The following SAXO2 variants were observed in gnomAD, a reference collection of about 807,000 sequenced individuals.
SAXO2 encodes the protein stabilizer of axonemal microtubules 2, also known as family with sequence similarity 154, member B.
Under a neutral mutation model 18.7 loss-of-function variants are expected in SAXO2, and 17 were observed. That is an observed-to-expected ratio of 0.91 (90% CI 0.62 to 1.36). The LOEUF (loss-of-function observed/expected upper bound fraction) is 1.36, where lower values mean the gene tolerates loss of function less well. Ranked by LOEUF, SAXO2 falls within the 40% of genes most tolerant of loss-of-function variation. The pLI is 0.00. For missense variants in SAXO2, 486 were observed against 562.6 expected (o/e 0.86, Z 1.38); for synonymous variants, 163 against 181.2 (o/e 0.90, Z 0.81).
intron 2 of SAXO2, among the ~76,000 whole-genome samples, chr15:82,268,788 T>G (rs2075243316): frequency 6.6e-6 from 1 of 152,252 alleles, no homozygotes; most frequent in Admixed American, 6.5e-5. Context: ...ACACATCAAA[T>G]GTTTCAGGAT....
Position 82,272,058 on chromosome 15 carries a change from AAAAC to A in SAXO2, c.433+260_433+263del, listed in dbSNP as rs571519275. 69 of 402,514 alleles carry A rather than the reference AAAAC, an allele frequency of 1.7e-4. No homozygotes were observed. In the South Asian group the frequency reaches 3.6e-3, roughly 21 times the overall value. The allele number at this position is 402,514 out of a possible 1,614,324, so 24.9% of individuals were successfully genotyped here. A position where few individuals can be genotyped will look rare whatever the true frequency, so the allele number is the denominator to read the frequency against. Reference sequence around the variant, plus strand: ...GTTAGTTTTCTGTCTCAAAACATGAAAAACAAAGGATGCCATTAAAGAAGCATTA... The same window carrying A: ...GTTAGTTTTCTGTCTCAAAACATGAAAAAGGATGCCATTAAAGAAGCATTA... On this transcript the variant is annotated intron_variant, in intron 3 of 3. Coordinates refer to ENST00000682753, the MANE Select transcript of SAXO2 (RefSeq NM_001348699.2).
At chr15:82,275,082 A>G (rs1435165053) in intron 3 of SAXO2, among the ~76,000 whole-genome samples, 2 of 151,840 alleles carry the variant, frequency 1.3e-5, no homozygotes, top group Admixed American at 6.5e-5. Flanking sequence ...CAAAAGTGAC[A>G]TCACAATTGA....
intron 2 of SAXO2, among the ~76,000 whole-genome samples, chr15:82,268,000 A>G (rs1159924583): frequency 6.6e-6 from 1 of 152,242 alleles, no homozygotes; most frequent in Non-Finnish European, 1.5e-5. Flanking sequence ...AAAACAGAGA[A>G]GGTCTTTGCT....
intron 1 of SAXO2, chr15:82,263,370 C>T (rs1391252299): frequency 1.3e-6 from 1 of 761,576 alleles, no homozygotes; most frequent in Non-Finnish European, 2.3e-6. Flanking sequence ...TTTCTGTCCT[C>T]CCAGCCAGAC....
chr15:82,264,774 C>A lies in SAXO2; in HGVS notation c.54-795C>A. 6 of 695,796 alleles carry A rather than the reference C, an allele frequency of 8.6e-6. No homozygotes were observed. In the South Asian group the frequency reaches 9.0e-5, roughly 10 times the overall value. The allele number at this position is 695,796 out of a possible 1,614,324, so 43.1% of individuals were successfully genotyped here. A position where few individuals can be genotyped will look rare whatever the true frequency, so the allele number is the denominator to read the frequency against. ...CGTCTCTTCCAAGGTCAAGAAGCTGCCAAGTTAGGAAACCAGCTTGCAAAT... is the reference window on the plus strand; with the variant it reads ...CGTCTCTTCCAAGGTCAAGAAGCTGACAAGTTAGGAAACCAGCTTGCAAAT... On this transcript the variant is annotated intron_variant, in intron 1 of 3. Coordinates refer to ENST00000682753, the MANE Select transcript of SAXO2 (RefSeq NM_001348699.2).
intron 2 of SAXO2, among the ~76,000 whole-genome samples, chr15:82,270,729 A>G (rs1245865715): frequency 6.6e-6 from 1 of 152,238 alleles, no homozygotes; most frequent in Non-Finnish European, 1.5e-5. Context: ...TGATCTTACT[A>G]TGTACGAAGC....
intron 2 of SAXO2, among the ~76,000 whole-genome samples, chr15:82,270,659 G>A (rs139647075): frequency 6.6e-6 from 1 of 152,266 alleles, no homozygotes; most frequent in East Asian, 1.9e-4. Flanking sequence ...TGTCAATAGA[G>A]TCCAGAAGAA....
intron 3 of SAXO2, among the ~76,000 whole-genome samples, chr15:82,278,409 C>T (rs906618394): frequency 6.6e-6 from 1 of 152,156 alleles, no homozygotes; most frequent in Non-Finnish European, 1.5e-5. Context: ...ATATACAAAG[C>T]AGCAAGAATT....
chr15:82,271,784 A>G lies in SAXO2; in HGVS notation c.415A>G (p.Thr139Ala), dbSNP rs1452034573. 2 of 1,614,034 alleles carry G rather than the reference A, an allele frequency of 1.2e-6. No individual in the cohort carries two copies. Among genetic ancestry groups the G allele is most frequent in the Non-Finnish European group, 8.5e-7 (1 of 1,179,950 alleles). The change falls in exon 3 of 4, where the codon ACT (threonine) becomes GCT (alanine). Residue 139 changes from threonine to alanine, a missense_variant. Transcript: ENST00000682753. ...ERQVKKGKLD[T>A]VPTYKDDYRA... ...ACAAGTTAAAAAAGGAAAATTGGAC[A>G]CTGTCCCAACCTATAAAGGTAACTT...
chr15:82,275,879 G>A (rs1378164293), intron 3 of SAXO2, among the ~76,000 whole-genome samples: 2 of 152,044 alleles, frequency 1.3e-5, no homozygotes, highest in East Asian at 3.9e-4. Flanking sequence ...AGACAAGGAT[G>A]CCCACTGTTA....
chr15:82,267,024 G>A (rs2141361829), intron 2 of SAXO2, among the ~76,000 whole-genome samples: 1 of 152,302 alleles, frequency 6.6e-6, no homozygotes, highest in Non-Finnish European at 1.5e-5. Context: ...TGTATGTGCT[G>A]TATTCAAGGT....
At position 82,282,375 on chromosome 15, in the gene SAXO2, T is replaced by C. The variant is rs1249113891; in HGVS notation, c.690T>C (p.Val230=). 6.2e-7 allele frequency: 1 copy of C among 1,614,116 alleles called. No homozygotes were observed. The highest frequency in any genetic ancestry group is 8.5e-7 in the Non-Finnish European group (1 of 1,180,016). The change falls in exon 4 of 4, where the codon GTT becomes GTC. Residue 230 remains valine (V), a synonymous_variant. Transcript: ENST00000682753. ...TCAAGTTTGAAAGGCCAAAAGAAGTTTACAAACCAACTGACCAACGCTTTG... is the reference window on the plus strand; with the variant it reads ...TCAAGTTTGAAAGGCCAAAAGAAGTCTACAAACCAACTGACCAACGCTTTG... ...LELKFERPKE[V]YKPTDQRFED...
chr15:82,265,520 T>A, intron 1 of SAXO2, 49 bp from the exon 2 acceptor site: 1 of 1,270,952 alleles, frequency 7.9e-7, no homozygotes, highest in Non-Finnish European at 1.0e-6. Context: ...AACGCAGTTA[T>A]AACACAAAAT....
chr15:82,277,703 A>C (rs778779169), intron 3 of SAXO2, among the ~76,000 whole-genome samples: 2 of 152,244 alleles, frequency 1.3e-5, no homozygotes, highest in Non-Finnish European at 2.9e-5. Flanking sequence ...AGGAGAAACA[A>C]CTTCCACCCA....
chr15:82,269,320 C>G (rs11633000), intron 2 of SAXO2, among the ~76,000 whole-genome samples: 66,615 of 151,786 alleles, frequency 0.44, 15,290 homozygotes, highest in Middle Eastern at 0.55. Context: ...TGAGTCAAAA[C>G]CTGAAGGATG....
At chr15:82,265,227 G>A (rs1454743669) in intron 1 of SAXO2, among the ~76,000 whole-genome samples, 2 of 152,102 alleles carry the variant, frequency 1.3e-5, no homozygotes, top group South Asian at 2.1e-4. Flanking sequence ...TGCAAGCTCC[G>A]CCTCCCAGGT....
intron 3 of SAXO2, among the ~76,000 whole-genome samples, chr15:82,275,806 C>T (rs1257204745): frequency 6.6e-6 from 1 of 152,086 alleles, no homozygotes; most frequent in Non-Finnish European, 1.5e-5. Flanking sequence ...TATGACAAAC[C>T]CACAGCCAAC....
chr15:82,271,311 C>T (rs775644258), intron 2 of SAXO2, among the ~76,000 whole-genome samples: 10 of 151,976 alleles, frequency 6.6e-5, no homozygotes, highest in Non-Finnish European at 4.4e-5. Flanking sequence ...AAATCAATTA[C>T]TTGAGGATAT....
Position 82,265,667 on chromosome 15 carries a change from A to T in SAXO2, c.152A>T (p.Asn51Ile). 1 of 1,518,588 alleles carries T rather than the reference A, an allele frequency of 6.6e-7. No homozygotes were observed. Among genetic ancestry groups the T allele is most frequent in the Non-Finnish European group, 8.8e-7 (1 of 1,140,552 alleles). The allele number at this position is 1,518,588 out of a possible 1,614,324, so 94.1% of individuals were successfully genotyped here. ...EYLEKYPMYD[N>I]VLPPQSLKAK... ...TTGGAAAAATATCCTATGTATGACA[A>T]TGTTCTTCCACCTCAGAGTCTTAAA... Residue 51 changes from asparagine (N) to isoleucine (I), a missense_variant, in exon 2 of 4, where the codon AAT becomes ATT. Asn to Ile is a moderately radical substitution (Grantham distance 149). Coordinates refer to ENST00000682753, the MANE Select transcript of SAXO2 (RefSeq NM_001348699.2).
Sources: allele counts gnomAD v4.1 joint callset (sites outside exome capture counted in the v4.1 genomes callset), GRCh38; gene constraint gnomAD v4.1.1; transcripts MANE v1.5; gene names NCBI Gene and HGNC (gene_info 2026-07-23, HGNC 2026-07-21).